Variants in C10orf67 observed in about 807,000 individuals in gnomAD.
C10orf67 encodes chromosome 10 open reading frame 67, also known as uncharacterized protein C10orf67, mitochondrial.
In C10orf67, 60 loss-of-function variants were observed where a neutral mutation model predicts 35.6. The observed-to-expected ratio is 1.68, with a 90% CI of 1.37 to 2.09. C10orf67 has a LOEUF of 2.09. C10orf67 is among the 30% of genes most tolerant of loss of function. C10orf67 has a pLI of 0.00. For missense variants in C10orf67, 474 were observed against 330.2 expected, an observed-to-expected ratio of 1.44 and a Z score of -3.38; for synonymous variants, 167 against 115.8, an observed-to-expected ratio of 1.44 and a Z score of -2.84.
In C10orf67 at chr10:23,322,470, C is replaced by G. The variant is rs370095073; in HGVS notation, c.395G>C (p.Arg132Pro). The change falls in exon 3 of 16, where the codon CGA (arginine) becomes CCA (proline). Residue 132 changes from arginine to proline, a missense_variant. Physicochemically the swap from Arg to Pro is moderately radical, Grantham distance 103. Transcript: ENST00000636213. Reference sequence around the variant, plus strand: ...GAGACTCAAAGATTCCTCTTTCAGTCGGTCCTCAAACTTCAACTGAAGCAA... The same window carrying G: ...GAGACTCAAAGATTCCTCTTTCAGTGGGTCCTCAAACTTCAACTGAAGCAA... The part of the protein sequence containing the change: ...KQLLQLKFED[R>P]LKEESLSLFT... The G allele has an allele frequency of 4.3e-6, 7 of 1,611,870 alleles. No homozygotes were observed. Among genetic ancestry groups the G allele is most frequent in the African/African-American group, 4.0e-5 (3 of 74,838 alleles).
intron 15 of C10orf67, among the ~76,000 whole-genome samples, chr10:23,211,552 A>G (rs1056902367): frequency 3.9e-5 from 6 of 152,076 alleles, no homozygotes; most frequent in Non-Finnish European, 5.9e-5. Flanking sequence ...CCTAGGTTAC[A>G]GACAGGATAC....
At chr10:23,333,593 G>C (rs1845561051) in intron 1 of C10orf67, among the ~76,000 whole-genome samples, 1 of 152,170 alleles carries the variant, frequency 6.6e-6, no homozygotes, top group Admixed American at 6.5e-5. Flanking sequence ...TACTCTATTA[G>C]AAAATCTGTG....
intron 10 of C10orf67, among the ~76,000 whole-genome samples, chr10:23,257,130 C>T (rs533600245): frequency 6.6e-6 from 1 of 152,128 alleles, no homozygotes; most frequent in Non-Finnish European, 1.5e-5. Flanking sequence ...CAACTCTATG[C>T]CAATACCAAG....
rs115165645 is a variant in C10orf67, at chr10:23,240,050, G to A, written c.1347-234C>T. On this transcript the variant is annotated intron_variant, in intron 12 of 15. Transcript: ENST00000636213. ...CAATAAAAAAAAAATAACCAGGCAT[G>A]CGTGGTGGTACATGCCTGTAGTCCC... Among the ~76,000 whole-genome samples the A allele has an allele frequency of 5.2e-3, 791 of 152,178 alleles. 7 individuals carry two copies. Among genetic ancestry groups the A allele is most frequent in the African/African-American group, 0.018 (754 of 41,512 alleles).
intron 13 of C10orf67, among the ~76,000 whole-genome samples, chr10:23,232,905 C>T (rs936774412): frequency 1.3e-5 from 2 of 152,188 alleles, no homozygotes; most frequent in African/African-American, 2.4e-5. Flanking sequence ...ACCTGCAATC[C>T]TAGCACTTTG....
rs118020463 is a variant in C10orf67 at position 23,301,429 on chromosome 10, C to T, written c.702+1875G>A. 2.4e-4 allele frequency among the ~76,000 whole-genome samples: 36 copies of T among 152,282 alleles called. No individual in the cohort carries two copies. In the East Asian group the frequency reaches 4.2e-3, roughly 18 times the overall value. The stretch of plus-strand genomic sequence containing the variant: ...CGTTTTTAACTGTCCGACAGGTGCC[C>T]GGTATTTTCCTCCAATTCTAAGGAT... On this transcript the variant is annotated intron_variant, in intron 5 of 15. Coordinates refer to ENST00000636213, the MANE Select transcript of C10orf67 (RefSeq NM_001371909.1).
At chr10:23,323,936 TATATATATATATATATAC>T (rs1793893725) in intron 2 of C10orf67, among the ~76,000 whole-genome samples, 1 of 56,336 alleles carries the variant, frequency 1.8e-5, no homozygotes, top group South Asian at 5.5e-4. Context: ...TATATATATA[TATATATATATATATATAC>T]ACACACACAC....
intron 12 of C10orf67, among the ~76,000 whole-genome samples, chr10:23,243,376 C>T (rs1027481836): frequency 2.0e-5 from 3 of 152,058 alleles, no homozygotes; most frequent in African/African-American, 7.2e-5. Context: ...ACTCTTCACC[C>T]ATCAGTGATA....
intron 15 of C10orf67, among the ~76,000 whole-genome samples, chr10:23,209,167 T>C (rs1841238623): frequency 6.6e-6 from 1 of 152,130 alleles, no homozygotes; most frequent in African/African-American, 2.4e-5. Flanking sequence ...TAGGCTAAAC[T>C]GAAGAACTTG....
intron 7 of C10orf67, among the ~76,000 whole-genome samples, chr10:23,287,829 T>G (rs1843595815): frequency 6.6e-6 from 1 of 152,064 alleles, no homozygotes; most frequent in Non-Finnish European, 1.5e-5. Flanking sequence ...CAGACACTTC[T>G]CAAAAGAAGA....
intron 13 of C10orf67, among the ~76,000 whole-genome samples, chr10:23,238,390 AGATTCATAAACTTTGAATCCAG>A (rs1842099412): frequency 6.6e-6 from 1 of 152,206 alleles, no homozygotes; most frequent in Admixed American, 6.5e-5. Context: ...GTATAGATGA[AGATTCATAAACTTTGAATCCAG>A]GAAACAGTGG....
chr10:23,254,972 A>G (rs996772135), intron 10 of C10orf67, among the ~76,000 whole-genome samples: 2 of 152,172 alleles, frequency 1.3e-5, no homozygotes, highest in African/African-American at 2.4e-5. Flanking sequence ...CTGACTCATC[A>G]TGATGAAGAA....
rs780961816 is a variant in C10orf67 at position 23,344,728 on chromosome 10, A to G, written c.47T>C (p.Val16Ala). The change falls in exon 1 of 16, where the codon GTT becomes GCT. Residue 16 changes from valine to alanine, a missense_variant. Coordinates refer to ENST00000636213, the MANE Select transcript of C10orf67 (RefSeq NM_001371909.1). Reference sequence around the variant, plus strand: ...GGAAAAGCAGTGAACCCATCTAATAACTATGCTCATGACATAATGAGCCCT... The same window carrying G: ...GGAAAAGCAGTGAACCCATCTAATAGCTATGCTCATGACATAATGAGCCCT... ...DRRAHYVMSI[V>A]IRWVHCFSSS... 8.9e-6 allele frequency: 14 copies of G among 1,573,490 alleles called. No individual in the cohort carries two copies. The highest frequency in any genetic ancestry group is 2.3e-5 in the South Asian group (2 of 85,304).
Position 23,236,694 on chromosome 10 carries a change from A to G in C10orf67, c.1434+3035T>C, listed in dbSNP as rs1215748977. Among the ~76,000 whole-genome samples the G allele has an allele frequency of 2.0e-5, 3 of 152,110 alleles. No homozygotes were observed. In the East Asian group the frequency reaches 5.9e-4, roughly 30 times the overall value. ...GGAGTTTGAGATCAGCCTGGTCAAC[A>G]TGGTGAAACCCATCTCTACTAAAAA... On this transcript the variant is annotated intron_variant, in intron 13 of 15. Coordinates refer to ENST00000636213, the MANE Select transcript of C10orf67 (RefSeq NM_001371909.1).
rs931716872 is a variant in C10orf67, at chr10:23,267,348, C to T, written c.976-94G>A. ...ACTTCTATAAGCAATGAAAGAGTAACGTTTTAAACCATTTGTCTCCCAAAA... is the reference window on the plus strand; with the variant it reads ...ACTTCTATAAGCAATGAAAGAGTAATGTTTTAAACCATTTGTCTCCCAAAA... On this transcript the variant is annotated intron_variant, in intron 8 of 15. Coordinates refer to ENST00000636213, the MANE Select transcript of C10orf67 (RefSeq NM_001371909.1). 3 of 566,520 alleles carry T rather than the reference C, an allele frequency of 5.3e-6. No individual in the cohort carries two copies. The African/African-American group carries it at 5.6e-5, about 11-fold the overall frequency. The allele number at this position is 566,520 out of a possible 1,614,324, so 35.1% of individuals were successfully genotyped here. A position where few individuals can be genotyped will look rare whatever the true frequency, so the allele number is the denominator to read the frequency against.
chr10:23,302,143 G>A (rs1245997197), intron 5 of C10orf67, among the ~76,000 whole-genome samples: 1 of 152,026 alleles, frequency 6.6e-6, no homozygotes, highest in Non-Finnish European at 1.5e-5. Flanking sequence ...CAAAGGGAGA[G>A]GACCCAAAGA....
chr10:23,323,948 T>TACACAC (rs1177442947), intron 2 of C10orf67, among the ~76,000 whole-genome samples: 4 of 47,514 alleles, frequency 8.4e-5, no homozygotes, highest in Non-Finnish European at 1.2e-4. Context: ...TATATATATA[T>TACACAC]ATATACACAC....
Position 23,315,622 on chromosome 10 carries a change from G to A in C10orf67, c.546+5119C>T, listed in dbSNP as rs963756326. Among the ~76,000 whole-genome samples the A allele has an allele frequency of 2.0e-5, 3 of 151,998 alleles. No homozygotes were observed. In the South Asian group the frequency reaches 6.2e-4, roughly 32 times the overall value. The stretch of plus-strand genomic sequence containing the variant: ...CCCAGCTGATCTTTTTGTATGTTTT[G>A]TAGAGGCAGGGTCTCACTATGTTGC... On this transcript the variant is annotated intron_variant, in intron 4 of 15. Coordinates refer to ENST00000636213, the MANE Select transcript of C10orf67 (RefSeq NM_001371909.1).
At chr10:23,325,975 G>T (rs1845178915) in intron 2 of C10orf67, among the ~76,000 whole-genome samples, 1 of 152,048 alleles carries the variant, frequency 6.6e-6, no homozygotes, top group Admixed American at 6.6e-5. Flanking sequence ...CTGTGAACTT[G>T]AAGATGTATC....
Sources: gnomAD v4.1 joint callset for allele counts (sites outside exome capture counted in the v4.1 genomes callset) on GRCh38, gnomAD v4.1.1 for gene constraint, MANE v1.5 for transcripts, NCBI Gene and HGNC (gene_info 2026-07-23, HGNC 2026-07-21) for gene names.